Variants in RNF111 observed in about 807,000 individuals in gnomAD.
The protein encoded by RNF111 is E3 ubiquitin-protein ligase Arkadia.
A neutral mutation model predicts 95.1 loss-of-function variants in RNF111; 17 were observed. The observed-to-expected ratio is 0.18, with a 90% CI of 0.12 to 0.27. RNF111 has a LOEUF of 0.27. Among genes scored for constraint, RNF111 ranks in the 10% least tolerant of loss-of-function variants. RNF111 has a pLI of 1.00. For synonymous variants in RNF111, 440 were observed against 414.8 expected (o/e 1.06, Z -0.74); for missense variants, 1,189 against 1,210.4 (o/e 0.98, Z 0.26).
chr15:59,042,603 T>A (rs1412888409), intron 2 of RNF111, among the ~76,000 whole-genome samples: 1 of 152,214 alleles, frequency 6.6e-6, no homozygotes. Context: ...TTGGTGTTTA[T>A]CCTTACGTAT....
chr15:59,050,930 A>G (rs2041950016), intron 2 of RNF111, among the ~76,000 whole-genome samples: 2 of 152,218 alleles, frequency 1.3e-5, no homozygotes, highest in African/African-American at 4.8e-5. Context: ...ATGGGGTAAA[A>G]AAGATTTTTC....
chr15:59,078,905 T>C (rs1277891982), intron 7 of RNF111, among the ~76,000 whole-genome samples: 3 of 151,790 alleles, frequency 2.0e-5, no homozygotes, highest in African/African-American at 7.3e-5. Context: ...TAAGGCTACT[T>C]ACGATTAATC....
intron 1 of RNF111, among the ~76,000 whole-genome samples, chr15:59,026,611 T>A (rs550929219): frequency 6.6e-6 from 1 of 152,356 alleles, no homozygotes; most frequent in East Asian, 1.9e-4. Flanking sequence ...GAATATTATC[T>A]GTTATATTTG....
At chr15:59,062,869 A>C (rs923429403) in intron 5 of RNF111, among the ~76,000 whole-genome samples, 5 of 152,160 alleles carry the variant, frequency 3.3e-5, no homozygotes, top group Middle Eastern at 3.4e-3. Context: ...TTACAGTGGG[A>C]GGTGGGGAAA....
In RNF111 at chr15:59,089,066, C is replaced by T. The variant is rs117981647; in HGVS notation, c.2551-601C>T. ...TCTACCTCAGCTGGGAACAGAGTTG[C>T]ATGTTGGGCAACTGCAATTTTTTGC... On this transcript the variant is annotated intron_variant, in intron 10 of 13. Coordinates refer to ENST00000348370, the MANE Select transcript of RNF111 (RefSeq NM_017610.8). Among the ~76,000 whole-genome samples the T allele has an allele frequency of 1.3e-3, 193 of 152,258 alleles. 1 individual carries two copies. The Middle Eastern group carries it at 0.017, about 13-fold the overall frequency.
At chr15:59,042,408 G>A (rs1248223996) in intron 2 of RNF111, among the ~76,000 whole-genome samples, 1 of 152,166 alleles carries the variant, frequency 6.6e-6, no homozygotes, top group Non-Finnish European at 1.5e-5. Flanking sequence ...TTATAGGCGT[G>A]AGCCACTATG....
chr15:59,090,956 C>A (rs1222629265), intron 11 of RNF111, 103 bp from the exon 12 acceptor site: 1 of 661,744 alleles, frequency 1.5e-6, no homozygotes, highest in Non-Finnish European at 2.6e-6. Context: ...ATTTATATTG[C>A]AAGTTTCTAA....
chr15:59,009,086 A>T (rs1596063875), intron 1 of RNF111, among the ~76,000 whole-genome samples: 1 of 151,968 alleles, frequency 6.6e-6, no homozygotes, highest in African/African-American at 2.4e-5. Context: ...CAGCCTCCCG[A>T]GCAGCTGGGA....
intron 2 of RNF111, among the ~76,000 whole-genome samples, chr15:59,034,749 A>T (rs2041088286): frequency 6.6e-6 from 1 of 152,254 alleles, no homozygotes; most frequent in African/African-American, 2.4e-5. Flanking sequence ...GTCTTAGCTA[A>T]TTCAAATTGG....
At chr15:59,043,974 A>G (rs1430660066) in intron 2 of RNF111, among the ~76,000 whole-genome samples, 1 of 152,210 alleles carries the variant, frequency 6.6e-6, no homozygotes, top group Non-Finnish European at 1.5e-5. Context: ...ATGAGGCTAG[A>G]CATGCATAAT....
intron 13 of RNF111, among the ~76,000 whole-genome samples, chr15:59,092,962 A>G (rs374426980): frequency 6.6e-6 from 1 of 152,222 alleles, no homozygotes; most frequent in Non-Finnish European, 1.5e-5. Flanking sequence ...AGCACACCAC[A>G]CTGCACTCCA....
At position 59,052,265 on chromosome 15, in the gene RNF111, C is replaced by T. The variant is rs749288212; in HGVS notation, c.881-40C>T. 7.4e-6 allele frequency: 11 copies of T among 1,494,140 alleles called. No homozygotes were observed. The South Asian group carries it at 1.0e-4, about 14-fold the overall frequency. 92.6% of individuals were successfully genotyped at this position (1,494,140 alleles called of 1,614,324 possible). On this transcript the variant is annotated intron_variant, in intron 2 of 13. Coordinates refer to ENST00000348370, the MANE Select transcript of RNF111 (RefSeq NM_017610.8). ...AAATTTCTGCCTAACGATTAGCTGA[C>T]AGGAAGATGCCTTTAAATGTTTTTT...
Position 59,080,962 on chromosome 15 carries a change from C to T in RNF111, c.1975C>T (p.His659Tyr). The T allele has an allele frequency of 6.2e-7, 1 of 1,612,918 alleles. No individual in the cohort carries two copies. Among genetic ancestry groups the T allele is most frequent in the South Asian group, 1.1e-5 (1 of 90,878 alleles). Reference sequence around the variant, plus strand: ...TGCCTCTTTGACAAGGCCACTTCATCATCAAGCTTCTGCCTGCCCGCATTC... The same window carrying T: ...TGCCTCTTTGACAAGGCCACTTCATTATCAAGCTTCTGCCTGCCCGCATTC... ...PYASLTRPLH[H>Y]QASACPHSHG... The change falls in exon 8 of 14, where the codon CAT (histidine) becomes TAT (tyrosine). Residue 659 changes from histidine (H) to tyrosine (Y), a missense_variant. Physicochemically the swap from His to Tyr is moderately conservative, Grantham distance 83. This residue lies in a region of RNF111 where 1,024 missense variants were observed against 925.9 expected (regional missense o/e 1.11). Coordinates refer to ENST00000348370, the MANE Select transcript of RNF111 (RefSeq NM_017610.8).
intron 2 of RNF111, among the ~76,000 whole-genome samples, chr15:59,043,421 T>A (rs2041562182): frequency 6.6e-6 from 1 of 152,164 alleles, no homozygotes; most frequent in African/African-American, 2.4e-5. Flanking sequence ...CCTTGCAAAG[T>A]GCTGGGCTTG....
intron 1 of RNF111, among the ~76,000 whole-genome samples, chr15:58,991,290 G>GA (rs1181722447): frequency 7.3e-5 from 11 of 151,368 alleles, no homozygotes; most frequent in East Asian, 1.9e-4. Flanking sequence ...ACTCCATCTT[G>GA]AAAAAAAACA....
Position 59,055,784 on chromosome 15 carries a change from T to A in RNF111, c.1110T>A (p.Thr370=), listed in dbSNP as rs2042178347. ...CACGGAACCGCAGTAGGATTTCTACTGTTATACAGCCCTTGAGGCAGAATG... is the reference window on the plus strand; with the variant it reads ...CACGGAACCGCAGTAGGATTTCTACAGTTATACAGCCCTTGAGGCAGAATG... The part of the protein sequence containing the change: ...QEPRNRSRIS[T]VIQPLRQNAA... The change falls in exon 4 of 14, where the codon ACT becomes ACA. Residue 370 remains threonine (T), a synonymous_variant. Transcript: ENST00000348370. 6.2e-7 allele frequency: 1 copy of A among 1,613,936 alleles called. No homozygotes were observed. Among genetic ancestry groups the A allele is most frequent in the Admixed American group, 1.7e-5 (1 of 59,984 alleles).
At chr15:59,015,492 T>C (rs2040022934) in intron 1 of RNF111, among the ~76,000 whole-genome samples, 1 of 152,162 alleles carries the variant, frequency 6.6e-6, no homozygotes, top group Admixed American at 6.6e-5. Flanking sequence ...AAGAGCTTCC[T>C]CCGTAGTCTT....
chr15:59,045,051 T>C (rs569061292), intron 2 of RNF111, among the ~76,000 whole-genome samples: 2 of 152,366 alleles, frequency 1.3e-5, no homozygotes, highest in South Asian at 2.1e-4. Context: ...TAAAAAGTTA[T>C]ATAAATTGAA....
At chr15:59,070,044 T>C (rs1460386537) in intron 6 of RNF111, among the ~76,000 whole-genome samples, 2 of 131,128 alleles carry the variant, frequency 1.5e-5, no homozygotes, top group East Asian at 4.3e-4. Context: ...TTTTTTTTTT[T>C]TTTTTTTTTT....
Sources: gnomAD v4.1 joint callset for allele counts (sites outside exome capture counted in the v4.1 genomes callset) on GRCh38, gnomAD v4.1.1 for gene constraint, gnomAD v4.1.1 regional missense constraint, MANE v1.5 for transcripts, NCBI Gene and HGNC (gene_info 2026-07-23, HGNC 2026-07-21) for gene names.